The following RBM4 variants were observed in gnomAD, a reference collection of about 807,000 sequenced individuals.
RBM4 encodes the protein RNA binding motif protein 4, also known as RNA-binding protein 4.
In RBM4, 7 loss-of-function variants were observed where a neutral mutation model predicts 29.5. The ratio of observed to expected loss-of-function variants is 0.24; its 90% CI spans 0.14 to 0.45. The LOEUF (loss-of-function observed/expected upper bound fraction) is 0.45. Among genes scored for constraint, RBM4 ranks in the 20% least tolerant of loss-of-function variants. The pLI is 1.00. For missense variants in RBM4, 387 were observed against 502.3 expected, an observed-to-expected ratio of 0.77 and a Z score of 2.19; for synonymous variants, 220 against 205.4, an observed-to-expected ratio of 1.07 and a Z score of -0.61.
At position 66,640,178 on chromosome 11, in the gene RBM4, G is replaced by A. The variant is rs757827709; in HGVS notation, c.412+55G>A. ...AACACAAGGCTGTGTGCAGAAAATG[G>A]TTGGATAAGTAAAAGGAGAGGTTTG... On this transcript the variant is annotated intron_variant, in intron 2 of 3. Transcript: ENST00000310092. The A allele has an allele frequency of 6.9e-6, 11 of 1,605,808 alleles. No homozygotes were observed. The South Asian group carries it at 1.1e-4, about 16-fold the overall frequency.
At chr11:66,645,176 T>C (rs1938638255) in intron 3 of RBM4, among the ~76,000 whole-genome samples, 3 of 152,186 alleles carry the variant, frequency 2.0e-5, no homozygotes, top group Non-Finnish European at 4.4e-5. Flanking sequence ...TCCACTGTCA[T>C]ACATTTTGAG....
At chr11:66,660,098 G>C (rs1299063875) in intron 2 of RBM4, among the ~76,000 whole-genome samples, 1 of 134,050 alleles carries the variant, frequency 7.5e-6, no homozygotes, top group South Asian at 2.4e-4. Flanking sequence ...TCAGATCCTT[G>C]TATACACTGA....
At position 66,644,060 on chromosome 11, in the gene RBM4, G is replaced by A. The variant is rs1938583261; in HGVS notation, c.1023G>A (p.Arg341=). 1.2e-6 allele frequency: 2 copies of A among 1,614,106 alleles called. No individual in the cohort carries two copies. The highest frequency in any genetic ancestry group is 1.7e-6 in the Non-Finnish European group (2 of 1,180,042). The change falls in exon 3 of 4, where the codon CGG becomes CGA. Residue 341 remains arginine, a synonymous_variant. Coordinates refer to ENST00000310092, the MANE Select transcript of RBM4 (RefSeq NM_002896.4). ...TGTCCCAAGCTTCAGCAGCCGCGCG[G>A]AATTCTCTGTACGACATGGCCCGGT... ...SELSQASAAA[R]NSLYDMARYE...
chr11:66,648,570 T>C (rs1590868317), downstream of RBM4, among the ~76,000 whole-genome samples: 1 of 151,784 alleles, frequency 6.6e-6, no homozygotes, highest in South Asian at 2.1e-4. Context: ...ATCCCAGCAC[T>C]TTGGGAGGCT....
chr11:66,666,420 T>G (rs1262273199), exon 3 of RBM4: 3 of 988,332 alleles, frequency 3.0e-6, no homozygotes, highest in Non-Finnish European at 3.6e-6. Flanking sequence ...TATTTCATCC[T>G]GGCAGCCTCA....
At chr11:66,665,595 C>T in intron 2 of RBM4, 3 of 1,535,968 alleles carry the variant, frequency 2.0e-6, no homozygotes, top group Non-Finnish European at 2.6e-6. Flanking sequence ...GAGAGCACAA[C>T]ACAAGAGGCT....
At chr11:66,653,550 C>G (rs1336820350) in intron 2 of RBM4, among the ~76,000 whole-genome samples, 1 of 152,052 alleles carries the variant, frequency 6.6e-6, no homozygotes, top group Non-Finnish European at 1.5e-5. Flanking sequence ...TTAGTAGAGA[C>G]AGGGTTTCAC....
downstream of RBM4, chr11:66,649,662 C>G: frequency 1.5e-6 from 1 of 681,210 alleles, no homozygotes; most frequent in East Asian, 2.7e-5. Flanking sequence ...ATAGTTGGCT[C>G]TGTGTAATTG....
chr11:66,659,322 G>A (rs1284213072), intron 2 of RBM4, among the ~76,000 whole-genome samples: 6 of 128,100 alleles, frequency 4.7e-5, no homozygotes, highest in African/African-American at 1.8e-4. Context: ...CCAGGCTGTA[G>A]TGCAGTGGCG....
exon 3 of RBM4, chr11:66,666,600 GACC>G (rs1310395323): frequency 1.7e-5 from 3 of 175,122 alleles, no homozygotes; most frequent in African/African-American, 7.2e-5. Flanking sequence ...ACCTTTTGAA[GACC>G]ACAATATATG....
At chr11:66,660,129 CTTT>C (rs778565169) in intron 2 of RBM4, among the ~76,000 whole-genome samples, 3 of 127,440 alleles carry the variant, frequency 2.4e-5, no homozygotes, top group Admixed American at 8.0e-5. Flanking sequence ...GCCTCAGGGC[CTTT>C]TTTTTTTTTT....
intron 1 of RBM4, chr11:66,639,000 C>T (rs950001594): frequency 2.6e-5 from 4 of 151,832 alleles, no homozygotes; most frequent in Non-Finnish European, 5.9e-5. Flanking sequence ...CTCGAGATTT[C>T]CACTGGGATA....
chr11:66,649,099 C>T (rs1277680101), downstream of RBM4, among the ~76,000 whole-genome samples: 5 of 152,008 alleles, frequency 3.3e-5, no homozygotes, highest in Non-Finnish European at 7.4e-5. Context: ...CTCTGCCTCC[C>T]GTGTTCAAGT....
chr11:66,665,592 C>G, intron 2 of RBM4: 1 of 1,535,940 alleles, frequency 6.5e-7, no homozygotes, highest in Non-Finnish European at 8.7e-7. Flanking sequence ...AAAGAGAGCA[C>G]AACACAAGAG....
chr11:66,641,429 G>A (rs1338286642), intron 2 of RBM4, among the ~76,000 whole-genome samples: 1 of 152,126 alleles, frequency 6.6e-6, no homozygotes, highest in Non-Finnish European at 1.5e-5. Context: ...AGGTCTCTCA[G>A]GTCTAGTTTG....
At chr11:66,639,059 C>T (rs1938315648) in intron 1 of RBM4, 1 of 152,214 alleles carries the variant, frequency 6.6e-6, no homozygotes, top group African/African-American at 2.4e-5. Flanking sequence ...TCGGGAATTT[C>T]TCGGGCCGTG....
intron 2 of RBM4, among the ~76,000 whole-genome samples, chr11:66,656,120 G>A (rs1426945907): frequency 5.3e-5 from 8 of 151,862 alleles, no homozygotes; most frequent in East Asian, 3.9e-4. Context: ...ACAGGTGCCC[G>A]CCACCATGCC....
intron 2 of RBM4, among the ~76,000 whole-genome samples, chr11:66,655,044 G>C (rs1324111348): frequency 1.3e-5 from 2 of 151,924 alleles, no homozygotes; most frequent in African/African-American, 4.8e-5. Flanking sequence ...GGAGTGCAGT[G>C]GCATGATCTC....
intron 2 of RBM4, among the ~76,000 whole-genome samples, chr11:66,653,341 A>G (rs1938872720): frequency 6.7e-6 from 1 of 148,710 alleles, no homozygotes; most frequent in Admixed American, 6.8e-5. Context: ...CACCTTTATG[A>G]TGATTCACTT....
Sources: allele counts gnomAD v4.1 joint callset (sites outside exome capture counted in the v4.1 genomes callset), GRCh38; gene constraint gnomAD v4.1.1; transcripts MANE v1.5; gene names NCBI Gene and HGNC (gene_info 2026-07-23, HGNC 2026-07-21).